Variants in PLCB4 observed in about 807,000 individuals in gnomAD.
The protein encoded by PLCB4 is 1-phosphatidylinositol 4,5-bisphosphate phosphodiesterase beta-4.
In PLCB4, 77 loss-of-function variants were observed where a neutral mutation model predicts 178.8. The observed-to-expected ratio is 0.43, with a 90% CI of 0.36 to 0.52. The LOEUF (loss-of-function observed/expected upper bound fraction) is 0.52. Ranked by LOEUF, PLCB4 falls within the 20% of genes least tolerant of loss-of-function variation. The pLI is 0.00. For missense variants in PLCB4, 1,024 were observed against 1,453.4 expected, an observed-to-expected ratio of 0.70 and a Z score of 4.80; for synonymous variants, 496 against 490.8, an observed-to-expected ratio of 1.01 and a Z score of -0.14.
At chr20:9,442,163 A>G (rs1302842848) in intron 30 of PLCB4, among the ~76,000 whole-genome samples, 1 of 152,168 alleles carries the variant, frequency 6.6e-6, no homozygotes, top group East Asian at 1.9e-4. Flanking sequence ...CACTAACCAC[A>G]TAGGGCTATT....
chr20:9,374,061 G>A (rs992630042), intron 12 of PLCB4, among the ~76,000 whole-genome samples: 4 of 152,112 alleles, frequency 2.6e-5, no homozygotes, highest in African/African-American at 9.7e-5. Flanking sequence ...CTTAAGAAAA[G>A]ATAAAAAGGC....
At chr20:9,265,743 C>A (rs1484355664) in intron 3 of PLCB4, among the ~76,000 whole-genome samples, 1 of 152,190 alleles carries the variant, frequency 6.6e-6, no homozygotes, top group African/African-American at 2.4e-5. Context: ...TGGTAAAAAT[C>A]TTCCATTAGC....
intron 17 of PLCB4, among the ~76,000 whole-genome samples, chr20:9,391,317 A>G (rs1378042475): frequency 1.3e-5 from 2 of 152,138 alleles, no homozygotes; most frequent in African/African-American, 4.8e-5. Flanking sequence ...TCACATTTTT[A>G]TAAGGATCCA....
At chr20:9,303,717 T>G (rs1255994670) in intron 3 of PLCB4, among the ~76,000 whole-genome samples, 1 of 152,196 alleles carries the variant, frequency 6.6e-6, no homozygotes, top group Non-Finnish European at 1.5e-5. Context: ...GTGGGATTGC[T>G]GGATCATTTA....
At chr20:9,169,789 A>G (rs1309245703) in intron 2 of PLCB4, among the ~76,000 whole-genome samples, 2 of 152,128 alleles carry the variant, frequency 1.3e-5, no homozygotes, top group Non-Finnish European at 2.9e-5. Context: ...AATTTGAAAG[A>G]ATTTTACAAT....
chr20:9,159,657 C>A lies in PLCB4; in HGVS notation c.-78-57733C>A, dbSNP rs146709272. On this transcript the variant is annotated intron_variant, in intron 2 of 39. Coordinates refer to ENST00000378473, the MANE Select transcript of PLCB4 (RefSeq NM_001377142.1). ...TGATGCCTTTTACAGTATATGAATT[C>A]TTAATCAAGATGATTCCGTTAGCAG... 1.1e-4 allele frequency among the ~76,000 whole-genome samples: 16 copies of A among 152,230 alleles called. No individual in the cohort carries two copies. The East Asian group carries it at 2.5e-3, about 24-fold the overall frequency.
At chr20:9,179,724 G>A (rs544528478) in intron 2 of PLCB4, among the ~76,000 whole-genome samples, 4 of 152,134 alleles carry the variant, frequency 2.6e-5, no homozygotes, top group Non-Finnish European at 5.9e-5. Context: ...GTACATGCTT[G>A]TTTTAGTGAA....
intron 3 of PLCB4, among the ~76,000 whole-genome samples, chr20:9,243,462 T>A (rs2094089398): frequency 6.6e-6 from 1 of 152,164 alleles, no homozygotes; most frequent in African/African-American, 2.4e-5. Flanking sequence ...CATTTGGGAT[T>A]TCATGGGATT....
intron 25 of PLCB4, among the ~76,000 whole-genome samples, chr20:9,417,412 T>C (rs573850921): frequency 3.3e-5 from 5 of 152,174 alleles, no homozygotes; most frequent in Admixed American, 2.0e-4. Flanking sequence ...TCTCTATATT[T>C]GCCTATTCTG....
chr20:9,179,468 AGC>A (rs1364262325), intron 2 of PLCB4, among the ~76,000 whole-genome samples: 2 of 152,190 alleles, frequency 1.3e-5, no homozygotes, highest in Non-Finnish European at 2.9e-5. Flanking sequence ...AAAGGAAAGA[AGC>A]CTTGTTCCCA....
chr20:9,166,041 A>C (rs2147006084), intron 2 of PLCB4, among the ~76,000 whole-genome samples: 1 of 152,282 alleles, frequency 6.6e-6, no homozygotes, highest in Non-Finnish European at 1.5e-5. Flanking sequence ...TGAAGGTATT[A>C]TAAAGGAGAA....
chr20:9,193,115 G>A (rs1021283124), intron 2 of PLCB4, among the ~76,000 whole-genome samples: 2 of 152,190 alleles, frequency 1.3e-5, no homozygotes, highest in African/African-American at 4.8e-5. Context: ...CCTACCATGT[G>A]CTGGGCACTG....
intron 3 of PLCB4, among the ~76,000 whole-genome samples, chr20:9,225,403 G>T (rs1005777367): frequency 6.6e-6 from 1 of 152,160 alleles, no homozygotes; most frequent in African/African-American, 2.4e-5. Flanking sequence ...ATTGTTAATT[G>T]TTCTACCTTC....
rs1008784982 is a variant in PLCB4, at chr20:9,133,688, C to T, written c.-79+37346C>T. Reference sequence around the variant, plus strand: ...ATGAATGTTTGCGTGAGACCACTACCGGAAAAGGGGCTGAAGCTGCATAAG... The same window carrying T: ...ATGAATGTTTGCGTGAGACCACTACTGGAAAAGGGGCTGAAGCTGCATAAG... On this transcript the variant is annotated intron_variant, in intron 2 of 39. Transcript: ENST00000378473. 6.6e-5 allele frequency among the ~76,000 whole-genome samples: 10 copies of T among 152,274 alleles called. No homozygotes were observed. In the East Asian group the frequency reaches 7.7e-4, roughly 12 times the overall value.
At chr20:9,186,020 G>A (rs1231345179) in intron 2 of PLCB4, among the ~76,000 whole-genome samples, 1 of 152,184 alleles carries the variant, frequency 6.6e-6, no homozygotes, top group East Asian at 1.9e-4. Flanking sequence ...TAGAATGTAA[G>A]TGCCATAGTG....
intron 1 of PLCB4, among the ~76,000 whole-genome samples, chr20:9,085,901 T>G (rs1031012319): frequency 6.6e-6 from 1 of 152,188 alleles, no homozygotes; most frequent in Non-Finnish European, 1.5e-5. Flanking sequence ...TGAAGAGTCC[T>G]TCACCAAACT....
chr20:9,287,405 G>A (rs2094545043), intron 3 of PLCB4, among the ~76,000 whole-genome samples: 2 of 151,996 alleles, frequency 1.3e-5, no homozygotes, highest in Admixed American at 6.6e-5. Context: ...CCTTAACCAT[G>A]TTTCTGTCTG....
At chr20:9,313,440 A>G (rs1450509433) in intron 4 of PLCB4, among the ~76,000 whole-genome samples, 1 of 152,234 alleles carries the variant, frequency 6.6e-6, no homozygotes, top group African/African-American at 2.4e-5. Context: ...GTTGATGTAC[A>G]ATAGAGGCTT....
At chr20:9,103,256 T>C (rs191006050) in intron 2 of PLCB4, among the ~76,000 whole-genome samples, 3 of 152,182 alleles carry the variant, frequency 2.0e-5, no homozygotes, top group African/African-American at 7.2e-5. Flanking sequence ...TCTAAACAGC[T>C]TTTTAACATG....
Sources: gnomAD v4.1 joint callset for allele counts (sites outside exome capture counted in the v4.1 genomes callset) on GRCh38, gnomAD v4.1.1 for gene constraint, MANE v1.5 for transcripts, NCBI Gene and HGNC (gene_info 2026-07-23, HGNC 2026-07-21) for gene names.